Variants in MKLN1 observed in about 807,000 individuals in gnomAD.
The protein encoded by MKLN1 is muskelin 1.
Under a neutral mutation model 99.0 loss-of-function variants are expected in MKLN1, and 18 were observed. That is an observed-to-expected ratio of 0.18 (90% CI 0.13 to 0.27). The LOEUF (loss-of-function observed/expected upper bound fraction) is 0.27, where lower values mean the gene tolerates loss of function less well. MKLN1 is among the 10% of genes least tolerant of loss of function. The pLI, the probability that MKLN1 is intolerant of heterozygous loss-of-function variation, is 1.00. For synonymous variants in MKLN1, 288 were observed against 293.2 expected (o/e 0.98, Z 0.18); for missense variants, 621 against 875.9 (o/e 0.71, Z 3.67).
chr7:131,316,690 A>T (rs1798674729), intron 3 of MKLN1, among the ~76,000 whole-genome samples: 1 of 152,184 alleles, frequency 6.6e-6, no homozygotes, highest in Non-Finnish European at 1.5e-5. Context: ...AACCCAATGC[A>T]AGGAAGCTAA....
chr7:131,351,049 C>G (rs1198543263), intron 1 of MKLN1, among the ~76,000 whole-genome samples: 1 of 152,098 alleles, frequency 6.6e-6, no homozygotes, highest in Non-Finnish European at 1.5e-5. Flanking sequence ...ACGCTTATTG[C>G]ATTTGTTGTT....
chr7:131,117,429 C>G (rs1795294404), intron 1 of MKLN1, among the ~76,000 whole-genome samples: 1 of 91,280 alleles, frequency 1.1e-5, no homozygotes, highest in Non-Finnish European at 2.4e-5. Flanking sequence ...GACTCCATCT[C>G]AGGAAAAACA....
chr7:131,374,947 T>G (rs973247396), intron 1 of MKLN1, among the ~76,000 whole-genome samples: 5 of 151,688 alleles, frequency 3.3e-5, no homozygotes, highest in African/African-American at 1.2e-4. Context: ...GTCTTTTTTT[T>G]TTTTTTTAAA....
intron 1 of MKLN1, among the ~76,000 whole-genome samples, chr7:131,365,397 G>T (rs1800150292): frequency 1.3e-5 from 2 of 152,154 alleles, no homozygotes; most frequent in African/African-American, 4.8e-5. Flanking sequence ...TCTGTAGGTT[G>T]TCTGTTTACT....
At chr7:131,321,619 T>A (rs1486833346) in intron 3 of MKLN1, among the ~76,000 whole-genome samples, 1 of 152,198 alleles carries the variant, frequency 6.6e-6, no homozygotes, top group Non-Finnish European at 1.5e-5. Context: ...AAATCTCTCA[T>A]TATCAAGTAT....
chr7:131,238,832 T>C (rs1181820192), intron 3 of MKLN1, among the ~76,000 whole-genome samples: 1 of 152,212 alleles, frequency 6.6e-6, no homozygotes, highest in Non-Finnish European at 1.5e-5. Flanking sequence ...AATGACATCC[T>C]GCTAACAGAC....
At chr7:131,367,011 A>G (rs2116821882) in intron 1 of MKLN1, among the ~76,000 whole-genome samples, 1 of 152,230 alleles carries the variant, frequency 6.6e-6, no homozygotes, top group East Asian at 1.9e-4. Flanking sequence ...GTAGATTTTA[A>G]AATATGCAAA....
chr7:131,344,729 C>A (rs1221575441), intron 1 of MKLN1, among the ~76,000 whole-genome samples: 1 of 151,844 alleles, frequency 6.6e-6, no homozygotes, highest in Non-Finnish European at 1.5e-5. Flanking sequence ...TTGTTAAATG[C>A]AAAAAACGTG....
intron 16 of MKLN1, 35 bp from the exon 17 acceptor site, chr7:131,478,588 G>A: frequency 1.4e-6 from 2 of 1,416,844 alleles, no homozygotes; most frequent in Non-Finnish European, 1.9e-6. Flanking sequence ...CAGCTAATTT[G>A]CTGCTTCTTT....
At chr7:131,233,204 CA>C (rs1797268708) in intron 3 of MKLN1, among the ~76,000 whole-genome samples, 1 of 151,682 alleles carries the variant, frequency 6.6e-6, no homozygotes, top group Non-Finnish European at 1.5e-5. Flanking sequence ...AAAAACAAAG[CA>C]AAACCCAAAA....
At chr7:131,160,514 A>ATTT (rs1796032848) in intron 2 of MKLN1, among the ~76,000 whole-genome samples, 1 of 146,200 alleles carries the variant, frequency 6.8e-6, no homozygotes, top group South Asian at 2.1e-4. Flanking sequence ...TATTATTATT[A>ATTT]TTATTATTAT....
chr7:131,354,447 T>C (rs1418396503), intron 1 of MKLN1, among the ~76,000 whole-genome samples: 1 of 151,772 alleles, frequency 6.6e-6, no homozygotes, highest in African/African-American at 2.4e-5. Flanking sequence ...TATATAGAAA[T>C]GCATTTGATT....
At chr7:131,428,998 T>C (rs75860136) in intron 8 of MKLN1, 35 bp from the exon 9 acceptor site, 11 of 1,030,546 alleles carry the variant, frequency 1.1e-5, no homozygotes, top group Non-Finnish European at 1.4e-5. Flanking sequence ...TATTTTGTCC[T>C]TTTTTTTTTA....
intron 1 of MKLN1, among the ~76,000 whole-genome samples, chr7:131,346,447 G>A (rs191506750): frequency 2.0e-5 from 3 of 151,946 alleles, no homozygotes; most frequent in African/African-American, 7.2e-5. Context: ...CCTTGAACCC[G>A]GGAGGCGGAG....
At chr7:131,242,638 G>T in intron 3 of MKLN1, 1 of 553,080 alleles carries the variant, frequency 1.8e-6, no homozygotes. Context: ...GTTCTGGCTG[G>T]ATGCTATTCT....
At chr7:131,476,892 T>TG (rs1195918916) in intron 16 of MKLN1, among the ~76,000 whole-genome samples, 9 of 152,310 alleles carry the variant, frequency 5.9e-5, no homozygotes, top group African/African-American at 1.9e-4. Flanking sequence ...GATAGACAAA[T>TG]GGATCAGTAC....
intron 6 of MKLN1, among the ~76,000 whole-genome samples, chr7:131,402,437 A>G (rs1584702352): frequency 6.6e-6 from 1 of 152,148 alleles, no homozygotes; most frequent in Admixed American, 6.5e-5. Flanking sequence ...ATTGGAATCA[A>G]CTTCTTCCAA....
At chr7:131,267,090 T>C (rs1797819621) in intron 3 of MKLN1, among the ~76,000 whole-genome samples, 1 of 152,036 alleles carries the variant, frequency 6.6e-6, no homozygotes, top group Admixed American at 6.6e-5. Context: ...CCTAGCACTT[T>C]GGGAGGCCGA....
At chr7:131,350,663 C>T (rs1294833474) in intron 1 of MKLN1, among the ~76,000 whole-genome samples, 1 of 152,204 alleles carries the variant, frequency 6.6e-6, no homozygotes, top group Non-Finnish European at 1.5e-5. Flanking sequence ...TGTTTTGCTT[C>T]ATCAATGCCA....
Sources: gnomAD v4.1 joint callset for allele counts (sites outside exome capture counted in the v4.1 genomes callset) on GRCh38, gnomAD v4.1.1 for gene constraint, MANE v1.5 for transcripts, NCBI Gene and HGNC (gene_info 2026-07-23, HGNC 2026-07-21) for gene names.